Variants in NES observed in about 807,000 individuals in gnomAD.
The protein encoded by NES is nestin.
NES carries 27 observed loss-of-function variants against 35.6 expected under a neutral mutation model. The ratio of observed to expected loss-of-function variants is 0.76; its 90% confidence interval spans 0.56 to 1.04. NES has a LOEUF of 1.04. NES is among the 50% of genes least tolerant of loss of function. The probability of loss-of-function intolerance (pLI) is 0.00; values close to 1 mark genes in which losing one functional copy is unlikely to be tolerated. For synonymous variants in NES, 822 were observed against 824.2 expected (o/e 1.00, Z 0.04); for missense variants, 1,867 against 1,983.6 (o/e 0.94, Z 1.12).
chr1:156,676,786 C>CG lies in NES; in HGVS notation c.478dup (p.Arg160ProfsTer72), dbSNP rs1402150407. 2 of 1,387,648 alleles carry CG rather than the reference C, an allele frequency of 1.4e-6. No individual in the cohort carries two copies. The highest frequency in any genetic ancestry group is 1.5e-5 in the African/African-American group (1 of 66,066). 86.0% of individuals were successfully genotyped at this position (1,387,648 alleles called of 1,614,324 possible). On this transcript the variant is annotated frameshift_variant, in exon 1 of 4. Coordinates refer to ENST00000368223, the MANE Select transcript of NES (RefSeq NM_006617.2). LOFTEE classifies it high-confidence loss of function. This position sits in a 1 kb window ranked among gnomAD's most constrained non-coding sequence, Gnocchi z 5.3. ...AGGCCCGCGGGGCGGCGCGGGGCAG[C>CG]GGGGGGCACAGGCAGCCTGCGCGTT...
chr1:156,675,331 C>T lies in NES; in HGVS notation c.793G>A (p.Glu265Lys). The T allele has an allele frequency of 7.5e-6, 12 of 1,606,574 alleles. No homozygotes were observed. The highest frequency in any genetic ancestry group is 1.0e-5 in the Non-Finnish European group (12 of 1,174,792). Residue 265 changes from glutamate (E) to lysine (K), a missense_variant, in exon 2 of 4, where the codon GAG becomes AAG. By Grantham distance (56) the Glu-to-Lys change is moderately conservative. Transcript: ENST00000368223. ...CCCTGTTTCTCCTGCTCCAGGGCCT[C>T]CACAGCCAGCTGCAGGGCAGGCGAG... is the stretch of plus-strand genomic sequence containing the variant. ...RATEKFQLAV[E>K]ALEQEKQGLQ...
chr1:156,670,849 A>T lies in NES; in HGVS notation c.3339T>A (p.His1113Gln), dbSNP rs1000043642. ...QGVGGLGDPG[H>Q]LTREEVMEPP... ...GTTCCATCACCTCTTCCCTGGTCAG[A>T]TGGCCTGGGTCCCCCAGCCCTCCCA... Residue 1113 changes from histidine (H) to glutamine (Q), a missense_variant, in exon 4 of 4, where the codon CAT becomes CAA. Physicochemically the swap from His to Gln is conservative, Grantham distance 24 (BLOSUM62 0). Transcript: ENST00000368223. 2.5e-6 allele frequency: 4 copies of T among 1,612,194 alleles called. No individual in the cohort carries two copies. The highest frequency in any genetic ancestry group is 3.4e-6 in the Non-Finnish European group (4 of 1,178,920).
rs753383722 is a variant in NES at position 156,672,762 on chromosome 1, T to C, written c.1426A>G (p.Ser476Gly). 2 of 1,613,552 alleles carry C rather than the reference T, an allele frequency of 1.2e-6. No individual in the cohort carries two copies. Among genetic ancestry groups the C allele is most frequent in the South Asian group, 2.2e-5 (2 of 91,082 alleles). Reference sequence around the variant, plus strand: ...GATTCTCCATCCTTAGCCTCTAAACTGGAGTGGTCAGGGCTGAGGGGTGGT... The same window carrying C: ...GATTCTCCATCCTTAGCCTCTAAACCGGAGTGGTCAGGGCTGAGGGGTGGT... ...LAPPLSPDHS[S>G]LEAKDGESGG... Residue 476 changes from serine (S) to glycine (G), a missense_variant, in exon 4 of 4, where the codon AGT (serine) becomes GGT (glycine). Coordinates refer to ENST00000368223, the MANE Select transcript of NES (RefSeq NM_006617.2).
At position 156,672,132 on chromosome 1, in the gene NES, C is replaced by T. The variant is rs765108086; in HGVS notation, c.2056G>A (p.Glu686Lys). ...EPLRSPEVGDEEALRPLTKEN... is the reference protein window; with the variant it reads ...EPLRSPEVGDKEALRPLTKEN... ...TTTGTCAGAGGTCTCAGTGCCTCCT[C>T]ATCCCCTACTTCTGGAGATCTCAGT... Residue 686 changes from glutamate (E) to lysine (K), a missense_variant, in exon 4 of 4, where the codon GAG becomes AAG. Coordinates refer to ENST00000368223, the MANE Select transcript of NES (RefSeq NM_006617.2). 6.2e-7 allele frequency: 1 copy of T among 1,611,828 alleles called. No individual in the cohort carries two copies. The highest frequency in any genetic ancestry group is 1.7e-5 in the Admixed American group (1 of 59,452).
Position 156,677,009 on chromosome 1 carries a change from C to A in NES, c.256G>T (p.Glu86Ter). The part of the protein sequence containing the change: ...AAEVARDNLA[E>*]ELEGVAGRCQ... ...CGGCCTGCCACGCCCTCCAGCTCTT[C>A]AGCCAGGTTGTCGCGCGCCACCTCG... Residue 86 changes from glutamate (E) to a stop codon, truncating the protein, a stop_gained, in exon 1 of 4, where the codon GAA becomes TAA. Transcript: ENST00000368223. LOFTEE classifies it high-confidence loss of function. This position sits in a 1 kb window ranked among gnomAD's most constrained non-coding sequence, Gnocchi z 4.5. The A allele has an allele frequency of 6.3e-7, 1 of 1,587,598 alleles. No individual in the cohort carries two copies. The highest frequency in any genetic ancestry group is 8.5e-7 in the Non-Finnish European group (1 of 1,171,652).
Position 156,670,885 on chromosome 1 carries a change from C to CCCCCCCCGCCG in NES, c.3302_3303insCGGCGGGGGGG (p.Gln1103GlyfsTer16). On this transcript the variant is annotated frameshift_variant, in exon 4 of 4. Coordinates refer to ENST00000368223, the MANE Select transcript of NES (RefSeq NM_006617.2). LOFTEE classifies it low-confidence loss of function (END_TRUNC). ...CCCCCAGCCCTCCCACCCCCTGCCC[C>CCCCCCCCGCCG]GGGCCTGGCTCAGCTCCCGCAGCAG... The CCCCCCCCGCCG allele has an allele frequency of 6.3e-7, 1 of 1,594,984 alleles. No individual in the cohort carries two copies. The highest frequency in any genetic ancestry group is 8.6e-7 in the Non-Finnish European group (1 of 1,163,618).
In NES at chr1:156,670,182, C is replaced by G. The variant is rs570678384; in HGVS notation, c.4006G>C (p.Val1336Leu). 8 of 1,614,058 alleles carry G rather than the reference C, an allele frequency of 5.0e-6. No homozygotes were observed. The highest frequency in any genetic ancestry group is 1.3e-5 in the African/African-American group (1 of 75,058). Residue 1336 changes from valine to leucine, a missense_variant, in exon 4 of 4, where the codon GTC becomes CTC. Transcript: ENST00000368223. ...GCCTCAAGGCCCTCGGAAGCCAGGA[C>G]AGCAGGATCCCAGCCCTCCTTTCCA... is the stretch of plus-strand genomic sequence containing the variant. ...ETGKEGWDPA[V>L]LASEGLEAPP...
chr1:156,670,456 C>T lies in NES; in HGVS notation c.3732G>A (p.Glu1244=), dbSNP rs767600556. The change falls in exon 4 of 4, where the codon GAG becomes GAA. Residue 1244 remains glutamate, a synonymous_variant. Transcript: ENST00000368223. ...GPQPQAEGSQ[E]ASWGVQGRAE... ...CCCTCCCCTGCACCCCCCAGCTAGC[C>T]TCCTGACTCCCTTCAGCCTGAGGCT... 1 of 1,562,894 alleles carries T rather than the reference C, an allele frequency of 6.4e-7. No individual in the cohort carries two copies. The highest frequency in any genetic ancestry group is 1.2e-5 in the South Asian group (1 of 82,696).
chr1:156,675,069 G>A lies in NES; in HGVS notation c.908+147C>T, dbSNP rs751297786. 80 of 972,920 alleles carry A rather than the reference G, an allele frequency of 8.2e-5. 1 individual carries two copies. The South Asian group carries it at 8.8e-4, about 11-fold the overall frequency. The allele number at this position is 972,920 out of a possible 1,614,324, so 60.3% of individuals were successfully genotyped here. A position where few individuals can be genotyped will look rare whatever the true frequency, so the allele number is the denominator to read the frequency against. On this transcript the variant is annotated intron_variant, in intron 2 of 3. Transcript: ENST00000368223. ...GACGGTTTCAGGCAGGACATGTTCC[G>A]GTGTGGAAGTGACCAGCCTAGAGTC...
In NES at chr1:156,671,828, G is replaced by A. The variant is rs1436524201; in HGVS notation, c.2360C>T (p.Pro787Leu). The A allele has an allele frequency of 3.7e-6, 6 of 1,613,838 alleles. No homozygotes were observed. The highest frequency in any genetic ancestry group is 5.1e-6 in the Non-Finnish European group (6 of 1,180,012). Reference sequence around the variant, plus strand: ...TATCTCCTGGTCAAGAGACTTCAGTGGTTCTAGATCCACTTTTTCTGGGGG... The same window carrying A: ...TATCTCCTGGTCAAGAGACTTCAGTAGTTCTAGATCCACTTTTTCTGGGGG... ...LRPPEKVDLE[P>L]LKSLDQEIAR... Residue 787 changes from proline (P) to leucine (L), a missense_variant, in exon 4 of 4, where the codon CCA becomes CTA. Transcript: ENST00000368223.
Position 156,676,440 on chromosome 1 carries a change from C to G in NES, c.783+42G>C, listed in dbSNP as rs1409535585. The G allele has an allele frequency of 6.3e-7, 1 of 1,588,596 alleles. No individual in the cohort carries two copies. Among genetic ancestry groups the G allele is most frequent in the Admixed American group, 1.7e-5 (1 of 59,602 alleles). On this transcript the variant is annotated intron_variant, in intron 1 of 3. Coordinates refer to ENST00000368223, the MANE Select transcript of NES (RefSeq NM_006617.2). The surrounding 1 kb of genome is among the most constrained non-coding windows in gnomAD (Gnocchi z 5.3). ...GAGCTTCATAAGGGACTTTCTGGAG[C>G]TTTCTGGGACTTTCTCTCACCCAGG...
chr1:156,676,497 A>G lies in NES; in HGVS notation c.768T>C (p.Ala256=). 1 of 1,597,086 alleles carries G rather than the reference A, an allele frequency of 6.3e-7. No homozygotes were observed. The highest frequency in any genetic ancestry group is 1.1e-5 in the South Asian group (1 of 90,894). Residue 256 remains alanine, a synonymous_variant, in exon 1 of 4, where the codon GCT becomes GCC. Coordinates refer to ENST00000368223, the MANE Select transcript of NES (RefSeq NM_006617.2). This position sits in a 1 kb window ranked among gnomAD's most constrained non-coding sequence, Gnocchi z 5.3. ...LEGRWQERLR[A]TEKFQLAVEA... is the part of the protein sequence containing the mutation. ...ACCTCCTCACCTGGAACTTTTCAGT[A>G]GCCCGCAGCCGCTCCTGCCAGCGGC...
chr1:156,674,704 G>A, intron 2 of NES, among the ~76,000 whole-genome samples: 1 of 152,230 alleles, frequency 6.6e-6, no homozygotes. Context: ...GGGCATCAGA[G>A]GAGTCTCGCC....
Position 156,669,605 on chromosome 1 carries a change from G to A in NES, c.4583C>T (p.Pro1528Leu). 1 of 1,614,042 alleles carries A rather than the reference G, an allele frequency of 6.2e-7. No homozygotes were observed. The highest frequency in any genetic ancestry group is 8.5e-7 in the Non-Finnish European group (1 of 1,179,968). The change falls in exon 4 of 4, where the codon CCA (proline) becomes CTA (leucine). Residue 1528 changes from proline to leucine, a missense_variant. Physicochemically the swap from Pro to Leu is moderately conservative, Grantham distance 98. Transcript: ENST00000368223. ...ATTAACACCAATGATGTCTGCCCCTGGGCCTGCATCCTCCATCCCACTGGG... is the reference window on the plus strand; with the variant it reads ...ATTAACACCAATGATGTCTGCCCCTAGGCCTGCATCCTCCATCCCACTGGG... ...EIPSGMEDAG[P>L]GADIIGVNGQ...
rs1647307767 is a variant in NES, at chr1:156,676,778, C to T, written c.487G>A (p.Ala163Thr). The T allele has an allele frequency of 7.3e-7, 1 of 1,368,132 alleles. No homozygotes were observed. The highest frequency in any genetic ancestry group is 9.3e-7 in the Non-Finnish European group (1 of 1,070,226). 84.7% of individuals were successfully genotyped at this position (1,368,132 alleles called of 1,614,324 possible). A position where few individuals can be genotyped will look rare whatever the true frequency, so the allele number is the denominator to read the frequency against. The change falls in exon 1 of 4, where the codon GCG becomes ACG. Residue 163 changes from alanine (A) to threonine (T), a missense_variant. By Grantham distance (58) the Ala-to-Thr change is moderately conservative. Transcript: ENST00000368223. This position sits in a 1 kb window ranked among gnomAD's most constrained non-coding sequence, Gnocchi z 5.3. ...AQAACAPRCP[A>T]PPRGPPAPAP... The stretch of plus-strand genomic sequence containing the variant: ...GGCGCGGGAGGCCCGCGGGGCGGCG[C>T]GGGGCAGCGGGGGGCACAGGCAGCC...
At chr1:156,675,847 A>G (rs1436986035) in intron 1 of NES, among the ~76,000 whole-genome samples, 1 of 151,380 alleles carries the variant, frequency 6.6e-6, no homozygotes, top group Non-Finnish European at 1.5e-5. Flanking sequence ...CATTTCCCAC[A>G]TGTTCTGGAT....
rs969362821 is a variant in NES at position 156,676,188 on chromosome 1, G to A, written c.783+294C>T. ...ATACCAGAGCCTGGGAAGGGACCCG[G>A]AGCCCCGGTCATCATCAGAGCCAGA... On this transcript the variant is annotated intron_variant, in intron 1 of 3. Coordinates refer to ENST00000368223, the MANE Select transcript of NES (RefSeq NM_006617.2). This position sits in a 1 kb window ranked among gnomAD's most constrained non-coding sequence, Gnocchi z 5.3. Among the ~76,000 whole-genome samples, 23 of 152,250 alleles carry A rather than the reference G, an allele frequency of 1.5e-4. No individual in the cohort carries two copies. The highest frequency in any genetic ancestry group is 5.1e-4 in the African/African-American group (21 of 41,466).
In NES at chr1:156,676,530, C is replaced by T. The variant is rs777927289; in HGVS notation, c.735G>A (p.Arg245=). 3 of 1,596,946 alleles carry T rather than the reference C, an allele frequency of 1.9e-6. No homozygotes were observed. The South Asian group carries it at 3.3e-5, about 18-fold the overall frequency. ...LLERRAALEQ[R]LEGRWQERLR... is the part of the protein sequence containing the mutation. ...GCCGCTCCTGCCAGCGGCCCTCCAA[C>T]CTCTGTTCCAACGCTGCCCTGCGCT... The change falls in exon 1 of 4, where the codon AGG becomes AGA. Residue 245 remains arginine (R), a synonymous_variant. Coordinates refer to ENST00000368223, the MANE Select transcript of NES (RefSeq NM_006617.2). The surrounding 1 kb of genome is among the most constrained non-coding windows in gnomAD (Gnocchi z 5.3).
Position 156,670,205 on chromosome 1 carries a change from C to A in NES, c.3983G>T (p.Gly1328Val), listed in dbSNP as rs1339704234. The A allele has an allele frequency of 1.2e-6, 2 of 1,614,062 alleles. No individual in the cohort carries two copies. The highest frequency in any genetic ancestry group is 4.5e-5 in the East Asian group (2 of 44,874). The change falls in exon 4 of 4, where the codon GGA (glycine) becomes GTA (valine). Residue 1328 changes from glycine to valine, a missense_variant. By Grantham distance (109) the Gly-to-Val change is moderately radical. Coordinates refer to ENST00000368223, the MANE Select transcript of NES (RefSeq NM_006617.2). ...EQRPPPQGETGKEGWDPAVLA... is the reference protein window; with the variant it reads ...EQRPPPQGETVKEGWDPAVLA... ...GACAGCAGGATCCCAGCCCTCCTTT[C>A]CAGTCTCCCCTTGAGGGGGTGGCCT...
Sources: gnomAD v4.1 joint callset for allele counts (sites outside exome capture counted in the v4.1 genomes callset) on GRCh38, gnomAD v4.1.1 for gene constraint, Gnocchi (gnomAD v3.1) non-coding constraint, MANE v1.5 for transcripts, NCBI Gene and HGNC (gene_info 2026-07-23, HGNC 2026-07-21) for gene names.